SDK1: variants seen among roughly 807,000 people sequenced by gnomAD.
SDK1 encodes sidekick cell adhesion molecule 1, also known as protein sidekick-1.
In SDK1, 157 loss-of-function variants were observed where a neutral mutation model predicts 245.5. The observed-to-expected ratio is 0.64, with a 90% confidence interval of 0.56 to 0.73. SDK1 has a LOEUF of 0.73. SDK1 is among the 30% of genes least tolerant of loss of function. The pLI, the probability that SDK1 is intolerant of heterozygous loss-of-function variation, is 0.00. For missense variants in SDK1, 3,583 were observed against 3,002.3 expected (o/e 1.19, Z -4.52); for synonymous variants, 1,647 against 1,278.5 (o/e 1.29, Z -6.15).
chr7:3,703,363 G>A (rs1008980743), intron 4 of SDK1, among the ~76,000 whole-genome samples: 8 of 152,196 alleles, frequency 5.3e-5, no homozygotes, highest in Admixed American at 3.9e-4. Flanking sequence ...AGCCTGACTT[G>A]AAAGGTCACA....
chr7:4,150,956 C>T (rs1388463420), intron 30 of SDK1, among the ~76,000 whole-genome samples: 2 of 152,242 alleles, frequency 1.3e-5, no homozygotes, highest in African/African-American at 2.4e-5. Context: ...TGCCACTTGC[C>T]GTTGAGTGAT....
chr7:3,765,713 G>C (rs1780234330), intron 4 of SDK1, among the ~76,000 whole-genome samples: 1 of 152,154 alleles, frequency 6.6e-6, no homozygotes, highest in Non-Finnish European at 1.5e-5. Context: ...GAAATGCAAA[G>C]TCATTATGAA....
At chr7:4,030,998 C>A (rs1787771526) in intron 17 of SDK1, among the ~76,000 whole-genome samples, 1 of 152,088 alleles carries the variant, frequency 6.6e-6, no homozygotes, top group African/African-American at 2.4e-5. Flanking sequence ...TAACAGTAGG[C>A]CCCCATACAT....
intron 1 of SDK1, among the ~76,000 whole-genome samples, chr7:3,458,637 G>T (rs908720177): frequency 6.6e-6 from 1 of 151,896 alleles, no homozygotes. Flanking sequence ...TACAATTCCA[G>T]AGTAGGAGGT....
At chr7:3,999,141 C>G (rs889417900) in intron 14 of SDK1, among the ~76,000 whole-genome samples, 5 of 152,146 alleles carry the variant, frequency 3.3e-5, no homozygotes, top group African/African-American at 1.2e-4. Flanking sequence ...CACACACACA[C>G]GCACACACAC....
intron 5 of SDK1, among the ~76,000 whole-genome samples, chr7:3,916,771 C>T (rs1209212123): frequency 6.6e-6 from 1 of 152,024 alleles, no homozygotes; most frequent in Non-Finnish European, 1.5e-5. Context: ...TTTACATTAC[C>T]CTTCATTTTA....
chr7:4,255,193 A>G (rs1787550996), intron 44 of SDK1, among the ~76,000 whole-genome samples: 3 of 152,176 alleles, frequency 2.0e-5, no homozygotes, highest in Non-Finnish European at 4.4e-5. Context: ...ATTGTTGCTG[A>G]CATGGAACTA....
At chr7:4,100,385 C>T (rs1332008326) in intron 22 of SDK1, among the ~76,000 whole-genome samples, 1 of 152,116 alleles carries the variant, frequency 6.6e-6, no homozygotes, top group Non-Finnish European at 1.5e-5. Flanking sequence ...GGGGGACACA[C>T]TTGGGAGATG....
At chr7:3,661,141 A>T (rs1783341928) in intron 4 of SDK1, among the ~76,000 whole-genome samples, 1 of 152,210 alleles carries the variant, frequency 6.6e-6, no homozygotes, top group Non-Finnish European at 1.5e-5. Flanking sequence ...AGCTTTGTTG[A>T]GTTCAGTATT....
chr7:3,904,825 C>G (rs1028487720), intron 5 of SDK1, among the ~76,000 whole-genome samples: 16 of 152,050 alleles, frequency 1.1e-4, no homozygotes, highest in Admixed American at 3.9e-4. Flanking sequence ...AATCCCGTCT[C>G]TACTGAAAAT....
At chr7:3,546,784 C>CTGCCCAGGGGGGACGTCTCCCAA (rs1779238903) in intron 1 of SDK1, among the ~76,000 whole-genome samples, 1 of 152,210 alleles carries the variant, frequency 6.6e-6, no homozygotes, top group African/African-American at 2.4e-5. Context: ...CATATTAGTG[C>CTGCCCAGGGGGGACGTCTCCCAA]ATTTGGGTAG....
rs17304976 is a variant in SDK1 at position 4,203,775 on chromosome 7, G to C, written c.5099-2104G>C. Among the ~76,000 whole-genome samples the C allele has an allele frequency of 3.3e-5, 5 of 152,298 alleles. No individual in the cohort carries two copies. The South Asian group carries it at 8.3e-4, about 25-fold the overall frequency. The stretch of plus-strand genomic sequence containing the variant: ...AAAAAAGAAGTCTCCAAACCGACAC[G>C]CTTTGCTCAGCGTTGACATATATTT... On this transcript the variant is annotated intron_variant, in intron 35 of 44. Coordinates refer to ENST00000404826, the MANE Select transcript of SDK1 (RefSeq NM_152744.4).
At chr7:3,425,848 C>T (rs1401609602) in intron 1 of SDK1, among the ~76,000 whole-genome samples, 2 of 152,036 alleles carry the variant, frequency 1.3e-5, no homozygotes, top group East Asian at 1.9e-4. Context: ...GGAGACTTTC[C>T]CTCAGCAAGA....
At chr7:3,874,138 C>A (rs1003386734) in intron 5 of SDK1, among the ~76,000 whole-genome samples, 1 of 152,088 alleles carries the variant, frequency 6.6e-6, no homozygotes, top group East Asian at 1.9e-4. Context: ...GGTTTTTGTT[C>A]GTTTGGTCAG....
chr7:3,570,035 C>T (rs1780057065), intron 1 of SDK1, among the ~76,000 whole-genome samples: 1 of 152,138 alleles, frequency 6.6e-6, no homozygotes, highest in Non-Finnish European at 1.5e-5. Flanking sequence ...TCACACACAC[C>T]AGCTCCATCA....
rs762594409 is a variant in SDK1, at chr7:3,951,934, C to T, written c.1150+14C>T. 3 of 1,606,136 alleles carry T rather than the reference C, an allele frequency of 1.9e-6. No homozygotes were observed. Among genetic ancestry groups the T allele is most frequent in the South Asian group, 2.2e-5 (2 of 89,964 alleles). Reference sequence around the variant, plus strand: ...TTTTCATCATAGGTAATGCGGGAGCCTCTAAGTGGTGTTGCCAGCATCTCA... The same window carrying T: ...TTTTCATCATAGGTAATGCGGGAGCTTCTAAGTGGTGTTGCCAGCATCTCA... On this transcript the variant is annotated intron_variant, in intron 7 of 44. Transcript: ENST00000404826.
At chr7:3,844,839 C>A (rs1021522717) in intron 5 of SDK1, among the ~76,000 whole-genome samples, 1 of 152,046 alleles carries the variant, frequency 6.6e-6, no homozygotes, top group Non-Finnish European at 1.5e-5. Context: ...ATCAAATGTG[C>A]AGTTTGGTAT....
intron 7 of SDK1, among the ~76,000 whole-genome samples, chr7:3,955,122 C>T (rs757441436): frequency 3.3e-5 from 5 of 152,210 alleles, no homozygotes; most frequent in Non-Finnish European, 5.9e-5. Context: ...CTGCTGAGCA[C>T]GATGGCTCGG....
At chr7:3,970,539 T>G (rs1782413408) in intron 11 of SDK1, among the ~76,000 whole-genome samples, 1 of 152,242 alleles carries the variant, frequency 6.6e-6, no homozygotes, top group African/African-American at 2.4e-5. Flanking sequence ...TAATCAGAAC[T>G]TGGCGATGAC....
Sources: allele counts gnomAD v4.1 joint callset (sites outside exome capture counted in the v4.1 genomes callset), GRCh38; gene constraint gnomAD v4.1.1; transcripts MANE v1.5; gene names NCBI Gene and HGNC (gene_info 2026-07-23, HGNC 2026-07-21).